Variants in LRP5 observed in about 807,000 individuals in gnomAD.
LRP5 encodes the protein low-density lipoprotein receptor-related protein 5.
Under a neutral mutation model 154.1 loss-of-function variants are expected in LRP5, and 62 were observed. That is an observed-to-expected ratio of 0.40 (90% CI 0.33 to 0.50). The LOEUF is 0.50. LRP5 is among the 20% of genes least tolerant of loss of function. LRP5 has a pLI of 0.55. For synonymous variants in LRP5, 966 were observed against 1,011.5 expected (o/e 0.96, Z 0.85); for missense variants, 1,915 against 2,336.7 (o/e 0.82, Z 3.72).
intron 7 of LRP5, among the ~76,000 whole-genome samples, chr11:68,395,090 C>T (rs1387858361): frequency 6.6e-6 from 1 of 152,074 alleles, no homozygotes; most frequent in African/African-American, 2.4e-5. Flanking sequence ...TGCTTGAGGC[C>T]AGGAGTTCAA....
intron 1 of LRP5, among the ~76,000 whole-genome samples, chr11:68,321,613 C>T (rs1345047803): frequency 6.6e-6 from 1 of 152,054 alleles, no homozygotes; most frequent in Non-Finnish European, 1.5e-5. Flanking sequence ...GCCCTTTGTG[C>T]CGACTTGCCC....
chr11:68,318,290 C>T (rs1401410535), intron 1 of LRP5, among the ~76,000 whole-genome samples: 1 of 151,732 alleles, frequency 6.6e-6, no homozygotes, highest in Admixed American at 6.6e-5. Flanking sequence ...TCCTGATCCT[C>T]CCGCTCGGCT....
At chr11:68,392,237 C>T (rs1264897237) in intron 7 of LRP5, among the ~76,000 whole-genome samples, 1 of 152,194 alleles carries the variant, frequency 6.6e-6, no homozygotes, top group Non-Finnish European at 1.5e-5. Context: ...GGCGTGGTGG[C>T]TTATGCTTGT....
intron 7 of LRP5, among the ~76,000 whole-genome samples, chr11:68,397,972 T>TGTGTGTGTG (rs2098650381): frequency 1.8e-4 from 26 of 142,190 alleles, no homozygotes; most frequent in Non-Finnish European, 2.9e-4. Context: ...CTGTGTGTGT[T>TGTGTGTGTG]TGTGTGTGTG....
Position 68,434,942 on chromosome 11 carries a change from T to C in LRP5, c.4000+1104T>C, listed in dbSNP as rs1460108593. On this transcript the variant is annotated intron_variant, in intron 18 of 22. Coordinates refer to ENST00000294304, the MANE Select transcript of LRP5 (RefSeq NM_002335.4). ...ATAGTGGTTAAGTCCTTCCAGCTCA[T>C]TGACCATTGGAGAATTTTATGGAGG... Among the ~76,000 whole-genome samples the C allele has an allele frequency of 2.0e-5, 3 of 152,264 alleles. No individual in the cohort carries two copies. In the East Asian group the frequency reaches 5.8e-4, roughly 29 times the overall value.
chr11:68,361,313 AAAT>A (rs2098627966), intron 3 of LRP5, among the ~76,000 whole-genome samples: 1 of 148,426 alleles, frequency 6.7e-6, no homozygotes. Context: ...TCAAAAAAAA[AAAT>A]AATAAAATAA....
chr11:68,389,792 G>A (rs762629899), intron 6 of LRP5, 89 bp from the exon 7 acceptor site: 9 of 1,371,740 alleles, frequency 6.6e-6, no homozygotes, highest in South Asian at 1.2e-5. Context: ...GATGGGGGCC[G>A]GCTTGGGGGC....
chr11:68,385,656 G>A (rs929368596), intron 5 of LRP5, among the ~76,000 whole-genome samples: 32 of 152,034 alleles, frequency 2.1e-4, no homozygotes, highest in African/African-American at 7.5e-4. Flanking sequence ...AAGTGCCCCC[G>A]GGTCTCAGGC....
chr11:68,365,333 CTG>C (rs954650660), intron 4 of LRP5, among the ~76,000 whole-genome samples: 7 of 151,714 alleles, frequency 4.6e-5, no homozygotes, highest in Admixed American at 2.0e-4. Context: ...AAGGTCACGG[CTG>C]GTTTTGGGGA....
intron 1 of LRP5, among the ~76,000 whole-genome samples, chr11:68,346,363 TG>T (rs2098612936): frequency 6.6e-6 from 1 of 152,248 alleles, no homozygotes; most frequent in Non-Finnish European, 1.5e-5. Context: ...GCATGTCTCC[TG>T]GGAATGGGAG....
chr11:68,405,591 G>A (rs1363314936), intron 8 of LRP5, among the ~76,000 whole-genome samples: 1 of 152,138 alleles, frequency 6.6e-6, no homozygotes, highest in Non-Finnish European at 1.5e-5. Context: ...CCTCCATGGG[G>A]GTGTGATTTA....
chr11:68,361,468 C>G (rs1303345715), intron 3 of LRP5, among the ~76,000 whole-genome samples: 1 of 151,436 alleles, frequency 6.6e-6, no homozygotes, highest in Non-Finnish European at 1.5e-5. Context: ...AACCCCATCT[C>G]TACTAAAAAT....
At position 68,348,025 on chromosome 11, in the gene LRP5, C is replaced by T. The variant is rs1220432324; in HGVS notation, c.270C>T (p.Thr90=). The T allele has an allele frequency of 2.5e-6, 4 of 1,614,038 alleles. No individual in the cohort carries two copies. The highest frequency in any genetic ancestry group is 3.4e-6 in the Non-Finnish European group (4 of 1,180,038). ...TDVSEEAIKQ[T]YLNQTGAAVQ... is the part of the protein sequence containing the mutation. ...TGAGCGAGGAGGCCATCAAGCAGACCTACCTGAACCAGACGGGGGCCGCCG... is the reference window on the plus strand; with the variant it reads ...TGAGCGAGGAGGCCATCAAGCAGACTTACCTGAACCAGACGGGGGCCGCCG... The change falls in exon 2 of 23, where the codon ACC becomes ACT. Residue 90 remains threonine, a synonymous_variant. Coordinates refer to ENST00000294304, the MANE Select transcript of LRP5 (RefSeq NM_002335.4).
chr11:68,316,966 G>A (rs1229783362), intron 1 of LRP5, among the ~76,000 whole-genome samples: 2 of 152,240 alleles, frequency 1.3e-5, no homozygotes, highest in African/African-American at 4.8e-5. Flanking sequence ...GAGTCTGTTG[G>A]GGAGGCCCTG....
At chr11:68,397,493 G>A (rs540289564) in intron 7 of LRP5, among the ~76,000 whole-genome samples, 94 of 152,294 alleles carry the variant, frequency 6.2e-4, no homozygotes, top group African/African-American at 1.9e-3. Flanking sequence ...CACTCCAGCC[G>A]TATGCCATGG....
At chr11:68,384,382 G>A (rs926996236) in intron 5 of LRP5, among the ~76,000 whole-genome samples, 1 of 152,196 alleles carries the variant, frequency 6.6e-6, no homozygotes, top group Non-Finnish European at 1.5e-5. Flanking sequence ...GTTCAGCCCC[G>A]GGCCCCTTTG....
In LRP5 at chr11:68,413,322, A is replaced by C; in HGVS notation, c.2504-367A>C. On this transcript the variant is annotated intron_variant, in intron 11 of 22. Transcript: ENST00000294304. This position sits in a 1 kb window ranked among gnomAD's most constrained non-coding sequence, Gnocchi z 5.1. ...CTCCTCGGTACGTGTTTTGGACTTA[A>C]ACGCTCCGGATGTTTACTGAGTGCT... is the stretch of plus-strand genomic sequence containing the variant. 2.5e-6 allele frequency: 1 copy of C among 402,258 alleles called. No homozygotes were observed. The highest frequency in any genetic ancestry group is 2.7e-5 in the South Asian group (1 of 37,040). The allele number at this position is 402,258 out of a possible 1,614,324, so 24.9% of individuals were successfully genotyped here. A position where few individuals can be genotyped will look rare whatever the true frequency, so the allele number is the denominator to read the frequency against.
chr11:68,356,001 G>A (rs867186001), intron 2 of LRP5, among the ~76,000 whole-genome samples: 8 of 151,454 alleles, frequency 5.3e-5, no homozygotes, highest in South Asian at 2.1e-4. Flanking sequence ...CACCATGCCC[G>A]GCTAATTTTT....
intron 7 of LRP5, among the ~76,000 whole-genome samples, chr11:68,394,962 C>T (rs978359456): frequency 2.6e-5 from 4 of 152,254 alleles, no homozygotes; most frequent in East Asian, 1.9e-4. Flanking sequence ...GAGAGACACC[C>T]TCTGAGCATG....
Sources: allele counts gnomAD v4.1 joint callset (sites outside exome capture counted in the v4.1 genomes callset), GRCh38; gene constraint gnomAD v4.1.1; non-coding constraint Gnocchi (gnomAD v3.1); transcripts MANE v1.5; gene names NCBI Gene and HGNC (gene_info 2026-07-23, HGNC 2026-07-21).